PTPRD: variants seen among roughly 807,000 people sequenced by gnomAD.
PTPRD encodes receptor-type tyrosine-protein phosphatase delta.
Under a neutral mutation model 214.5 loss-of-function variants are expected in PTPRD, and 34 were observed. The observed-to-expected ratio is 0.16, with a 90% CI of 0.12 to 0.21. The LOEUF is 0.21. Among genes scored for constraint, PTPRD ranks in the 10% least tolerant of loss-of-function variants. PTPRD has a pLI of 1.00. For missense variants in PTPRD, 2,545 were observed against 2,398.7 expected (o/e 1.06, Z -1.27); for synonymous variants, 1,128 against 845.7 (o/e 1.33, Z -5.79).
intron 5 of PTPRD, among the ~76,000 whole-genome samples, chr9:9,817,068 C>T (rs2049010896): frequency 6.6e-6 from 1 of 151,986 alleles, no homozygotes; most frequent in South Asian, 2.1e-4. Flanking sequence ...TTATCACTAT[C>T]AAATTAAATG....
intron 3 of PTPRD, among the ~76,000 whole-genome samples, chr9:10,193,159 T>A (rs1040158709): frequency 1.3e-5 from 2 of 152,142 alleles, no homozygotes; most frequent in African/African-American, 2.4e-5. Context: ...TGATCTCTGG[T>A]CTTTAGAGAC....
At chr9:8,822,457 T>C (rs2097090056) in intron 11 of PTPRD, among the ~76,000 whole-genome samples, 1 of 152,176 alleles carries the variant, frequency 6.6e-6, no homozygotes, top group Non-Finnish European at 1.5e-5. Context: ...TCACTACAAT[T>C]TGGAAATTCT....
chr9:10,539,113 C>T (rs1295008837), intron 2 of PTPRD, among the ~76,000 whole-genome samples: 1 of 152,190 alleles, frequency 6.6e-6, no homozygotes, highest in Non-Finnish European at 1.5e-5. Flanking sequence ...CTTGCACTTA[C>T]TTATACAGGT....
chr9:8,330,712 T>TGAGATTAGAACACA (rs1587769314), intron 44 of PTPRD, among the ~76,000 whole-genome samples: 2 of 152,152 alleles, frequency 1.3e-5, no homozygotes, highest in East Asian at 3.9e-4. Flanking sequence ...ATAATAGAAT[T>TGAGATTAGAACACA]GAGATTAGAA....
chr9:9,622,449 C>A (rs962010217), intron 7 of PTPRD, among the ~76,000 whole-genome samples: 31 of 152,090 alleles, frequency 2.0e-4, no homozygotes, highest in Non-Finnish European at 4.3e-4. Flanking sequence ...TTATTTTTAT[C>A]ATTTACGTAT....
intron 4 of PTPRD, among the ~76,000 whole-genome samples, chr9:9,941,956 T>G (rs2091574188): frequency 6.6e-6 from 1 of 152,150 alleles, no homozygotes; most frequent in South Asian, 2.1e-4. Flanking sequence ...AATAAAGAGT[T>G]GAATCTCCAA....
chr9:9,838,450 T>A (rs565092915), intron 5 of PTPRD, among the ~76,000 whole-genome samples: 3 of 152,268 alleles, frequency 2.0e-5, no homozygotes, highest in African/African-American at 7.2e-5. Flanking sequence ...GACTTTTTAA[T>A]GATTGCCATT....
chr9:8,598,771 C>G (rs989736840), intron 14 of PTPRD, among the ~76,000 whole-genome samples: 1 of 152,184 alleles, frequency 6.6e-6, no homozygotes, highest in East Asian at 1.9e-4. Flanking sequence ...GTCTGACCTT[C>G]TCAGAGAAAT....
chr9:9,848,679 T>C (rs1300156481), intron 5 of PTPRD, among the ~76,000 whole-genome samples: 2 of 152,060 alleles, frequency 1.3e-5, no homozygotes, highest in East Asian at 1.9e-4. Context: ...TAGAAGAAAA[T>C]ATATCACACA....
intron 2 of PTPRD, among the ~76,000 whole-genome samples, chr9:10,507,644 A>G (rs1387132113): frequency 6.6e-6 from 1 of 152,110 alleles, no homozygotes. Flanking sequence ...AAATAATATC[A>G]CACATCTACA....
chr9:9,288,581 G>T (rs951542162), intron 9 of PTPRD, among the ~76,000 whole-genome samples: 2 of 151,848 alleles, frequency 1.3e-5, no homozygotes, highest in Admixed American at 1.3e-4. Context: ...CACTTTCATT[G>T]TTAATTATAA....
chr9:8,980,423 A>G (rs759986472), intron 11 of PTPRD, among the ~76,000 whole-genome samples: 1 of 152,116 alleles, frequency 6.6e-6, no homozygotes, highest in Non-Finnish European at 1.5e-5. Context: ...AAGATGATAG[A>G]TATGTTAATC....
intron 10 of PTPRD, among the ~76,000 whole-genome samples, chr9:9,082,357 C>T (rs982979061): frequency 3.3e-5 from 5 of 152,040 alleles, no homozygotes; most frequent in Admixed American, 2.6e-4. Flanking sequence ...ACAAAAATCA[C>T]GTTTGTCTCA....
At chr9:10,574,034 C>G (rs774635492) in intron 2 of PTPRD, among the ~76,000 whole-genome samples, 8 of 151,922 alleles carry the variant, frequency 5.3e-5, no homozygotes, top group Non-Finnish European at 1.0e-4. Context: ...GGAAGAATTC[C>G]GAATGTTAAA....
chr9:10,581,003 G>A (rs990650875), intron 2 of PTPRD, among the ~76,000 whole-genome samples: 1 of 152,106 alleles, frequency 6.6e-6, no homozygotes, highest in Non-Finnish European at 1.5e-5. Flanking sequence ...AGCCTATATT[G>A]CAAACCTGGG....
intron 14 of PTPRD, among the ~76,000 whole-genome samples, chr9:8,587,697 G>A (rs929936478): frequency 7.9e-5 from 12 of 152,122 alleles, no homozygotes; most frequent in African/African-American, 2.9e-4. Flanking sequence ...TGACCTCAAC[G>A]GCCTTGGAAA....
intron 10 of PTPRD, among the ~76,000 whole-genome samples, chr9:9,059,897 A>G (rs1819847449): frequency 6.6e-6 from 1 of 152,186 alleles, no homozygotes; most frequent in Admixed American, 6.5e-5. Flanking sequence ...GAAGAGAAAC[A>G]GAATACTTAA....
chr9:10,385,106 G>T (rs2097891663), intron 2 of PTPRD, among the ~76,000 whole-genome samples: 1 of 151,688 alleles, frequency 6.6e-6, no homozygotes, highest in Non-Finnish European at 1.5e-5. Flanking sequence ...TTTACATATT[G>T]TAGTATTAGG....
intron 4 of PTPRD, among the ~76,000 whole-genome samples, chr9:9,972,532 G>A (rs2095164531): frequency 6.6e-6 from 1 of 152,090 alleles, no homozygotes; most frequent in African/African-American, 2.4e-5. Context: ...ACAAAGTCCA[G>A]GTGAATTTGT....
Sources: gnomAD v4.1 joint callset for allele counts (sites outside exome capture counted in the v4.1 genomes callset) on GRCh38, gnomAD v4.1.1 for gene constraint, MANE v1.5 for transcripts, NCBI Gene and HGNC (gene_info 2026-07-23, HGNC 2026-07-21) for gene names.